The following FGGY variants were observed in gnomAD, a reference collection of about 807,000 sequenced individuals.
FGGY encodes the protein FGGY carbohydrate kinase domain-containing protein.
In FGGY, 72 loss-of-function variants were observed where a neutral mutation model predicts 71.3. That is an observed-to-expected ratio of 1.01 (90% confidence interval 0.84 to 1.23). The LOEUF (loss-of-function observed/expected upper bound fraction) is 1.23. Among genes scored for constraint, FGGY ranks in the 50% most tolerant of loss-of-function variants. The pLI is 0.00. For missense variants in FGGY, 668 were observed against 682.3 expected (o/e 0.98, Z 0.23); for synonymous variants, 251 against 250.3 (o/e 1.00, Z -0.02).
chr1:59,670,290 C>G (rs1201925000), intron 13 of FGGY, among the ~76,000 whole-genome samples: 2 of 152,234 alleles, frequency 1.3e-5, no homozygotes, highest in Non-Finnish European at 2.9e-5. Context: ...GTAAAAGGCA[C>G]GTACACAAGC....
At chr1:59,619,674 C>T (rs1183772640) in intron 9 of FGGY, among the ~76,000 whole-genome samples, 1 of 152,004 alleles carries the variant, frequency 6.6e-6, no homozygotes, top group East Asian at 1.9e-4. Flanking sequence ...GTGATAGGGT[C>T]TACATTATTG....
intron 1 of FGGY, among the ~76,000 whole-genome samples, chr1:59,303,291 C>T (rs2043034174): frequency 6.6e-6 from 1 of 152,168 alleles, no homozygotes; most frequent in Non-Finnish European, 1.5e-5. Context: ...CTGGTAACCA[C>T]CATTCTCCTC....
intron 4 of FGGY, among the ~76,000 whole-genome samples, chr1:59,348,699 A>G (rs555303781): frequency 5.3e-5 from 8 of 152,216 alleles, no homozygotes; most frequent in Admixed American, 1.3e-4. Context: ...AAGGATTGCC[A>G]TCACGGGGCA....
chr1:59,735,865 C>T (rs2098097323), intron 14 of FGGY, among the ~76,000 whole-genome samples: 1 of 151,976 alleles, frequency 6.6e-6, no homozygotes, highest in Non-Finnish European at 1.5e-5. Context: ...TTTTTTCCCC[C>T]AAATATGCTG....
intron 5 of FGGY, among the ~76,000 whole-genome samples, chr1:59,398,521 G>A (rs987092024): frequency 5.3e-5 from 8 of 152,198 alleles, no homozygotes; most frequent in African/African-American, 1.9e-4. Flanking sequence ...TTACAGGCAT[G>A]AGCCACCATG....
At chr1:59,688,489 GA>G (rs1185788102) in intron 14 of FGGY, among the ~76,000 whole-genome samples, 1 of 152,178 alleles carries the variant, frequency 6.6e-6, no homozygotes, top group Non-Finnish European at 1.5e-5. Context: ...TGGTCTTGTA[GA>G]AATGACCTTA....
intron 4 of FGGY, among the ~76,000 whole-genome samples, chr1:59,371,296 A>G: frequency 6.6e-6 from 1 of 152,146 alleles, no homozygotes; most frequent in African/African-American, 2.4e-5. Flanking sequence ...AACAAAGATC[A>G]AAAGAGACAA....
intron 7 of FGGY, among the ~76,000 whole-genome samples, chr1:59,541,379 C>G (rs1053979930): frequency 6.6e-6 from 1 of 152,102 alleles, no homozygotes; most frequent in African/African-American, 2.4e-5. Context: ...AAAGGACCAT[C>G]TAACTTGAGG....
intron 5 of FGGY, among the ~76,000 whole-genome samples, chr1:59,454,750 G>A (rs2091518374): frequency 6.6e-6 from 1 of 152,102 alleles, no homozygotes; most frequent in African/African-American, 2.4e-5. Flanking sequence ...TTTTAGTTGT[G>A]ATTATTTGAT....
At chr1:59,596,155 T>C (rs543240614) in intron 8 of FGGY, among the ~76,000 whole-genome samples, 2 of 152,300 alleles carry the variant, frequency 1.3e-5, no homozygotes, top group Admixed American at 1.3e-4. Flanking sequence ...TTCTCTTTTA[T>C]AGAAATTCAT....
rs2062538518 is a variant in FGGY, at chr1:59,405,057, A to G, written c.554+26220A>G. On this transcript the variant is annotated intron_variant, in intron 5 of 15. Transcript: ENST00000303721. ...TAATTCCATTTTAAAGATGCTTGTT[A>G]AGCAAAAGGATATAATTCATTTTTC... Among the ~76,000 whole-genome samples, 3 of 152,340 alleles carry G rather than the reference A, an allele frequency of 2.0e-5. No homozygotes were observed. The South Asian group carries it at 6.2e-4, about 32-fold the overall frequency.
At chr1:59,576,439 T>C (rs2096076178) in intron 8 of FGGY, among the ~76,000 whole-genome samples, 1 of 151,948 alleles carries the variant, frequency 6.6e-6, no homozygotes, top group Non-Finnish European at 1.5e-5. Flanking sequence ...TTAGGACAAA[T>C]GCCTAATGCA....
At chr1:59,754,717 C>G (rs1336694357) in intron 14 of FGGY, 1 of 152,250 alleles carries the variant, frequency 6.6e-6, no homozygotes, top group Non-Finnish European at 1.5e-5. Flanking sequence ...TGCTCCCGGC[C>G]CAACCTCATG....
rs1250597203 is a variant in FGGY, at chr1:59,624,445, T to C, written c.1012-1543T>C. Among the ~76,000 whole-genome samples, 16 of 152,196 alleles carry C rather than the reference T, an allele frequency of 1.1e-4. 1 individual carries two copies. Among genetic ancestry groups the C allele is most frequent in the Admixed American group, 1.0e-3 (16 of 15,286 alleles). On this transcript the variant is annotated intron_variant, in intron 9 of 15. Coordinates refer to ENST00000303721, the MANE Select transcript of FGGY (RefSeq NM_018291.5). The stretch of plus-strand genomic sequence containing the variant: ...AGTAATGTGTGTACAATGCTTAAGT[T>C]AGTACTGATGTATGGGAAATGAGTC...
At chr1:59,507,282 A>G (rs1019973500) in intron 6 of FGGY, among the ~76,000 whole-genome samples, 13 of 152,226 alleles carry the variant, frequency 8.5e-5, no homozygotes. Flanking sequence ...CTCAGCTTCT[A>G]GTTACAAGAG....
intron 6 of FGGY, among the ~76,000 whole-genome samples, chr1:59,504,044 C>A (rs1161603246): frequency 6.6e-6 from 1 of 152,052 alleles, no homozygotes; most frequent in East Asian, 1.9e-4. Flanking sequence ...AGATCATATG[C>A]TTTTTGTCCA....
At chr1:59,613,696 G>A (rs1009685850) in intron 9 of FGGY, among the ~76,000 whole-genome samples, 305 of 152,028 alleles carry the variant, frequency 2.0e-3, no homozygotes, top group Non-Finnish European at 3.4e-3. Flanking sequence ...TCAAAAAATC[G>A]ATGCATCCAG....
At chr1:59,488,608 AT>A (rs1333089332) in intron 6 of FGGY, among the ~76,000 whole-genome samples, 2 of 149,650 alleles carry the variant, frequency 1.3e-5, no homozygotes, top group South Asian at 2.1e-4. Flanking sequence ...TTCATACTAT[AT>A]ATGTATCATT....
intron 9 of FGGY, among the ~76,000 whole-genome samples, chr1:59,615,057 G>A (rs1400657659): frequency 3.3e-5 from 5 of 152,162 alleles, no homozygotes; most frequent in Admixed American, 3.3e-4. Flanking sequence ...TCAATATCAT[G>A]AAAATGGCCA....
Sources: gnomAD v4.1 joint callset for allele counts (sites outside exome capture counted in the v4.1 genomes callset) on GRCh38, gnomAD v4.1.1 for gene constraint, MANE v1.5 for transcripts, NCBI Gene and HGNC (gene_info 2026-07-23, HGNC 2026-07-21) for gene names.